The following IQCK variants were observed in gnomAD, a reference collection of about 807,000 sequenced individuals.
The protein encoded by IQCK is IQ motif containing K.
Under a neutral mutation model 28.1 loss-of-function variants are expected in IQCK, and 29 were observed. The ratio of observed to expected loss-of-function variants is 1.03; its 90% confidence interval spans 0.77 to 1.41. The LOEUF is 1.41. Among genes scored for constraint, IQCK ranks in the 40% most tolerant of loss-of-function variants. The pLI, the probability that IQCK is intolerant of heterozygous loss-of-function variation, is 0.00. For synonymous variants in IQCK, 113 were observed against 115.1 expected, an observed-to-expected ratio of 0.98 and a Z score of 0.12; for missense variants, 359 against 314.7, an observed-to-expected ratio of 1.14 and a Z score of -1.07.
chr16:19,822,172 G>T (rs766286332), intron 7 of IQCK, among the ~76,000 whole-genome samples: 1 of 150,940 alleles, frequency 6.6e-6, no homozygotes, highest in Admixed American at 6.6e-5. Context: ...CAGATCACAC[G>T]GTCAGGGGTT....
chr16:19,730,331 C>G, intron 1 of IQCK, 99 bp from the exon 2 acceptor site: 1 of 898,830 alleles, frequency 1.1e-6, no homozygotes, highest in Non-Finnish European at 1.7e-6. Flanking sequence ...CACCACCAGC[C>G]AAAATAAAAT....
intron 7 of IQCK, among the ~76,000 whole-genome samples, chr16:19,822,296 G>A (rs1379402143): frequency 1.4e-5 from 2 of 144,978 alleles, no homozygotes; most frequent in African/African-American, 2.6e-5. Context: ...TGAGGCAGGA[G>A]AATTGCTTGA....
intron 2 of IQCK, among the ~76,000 whole-genome samples, chr16:19,733,409 G>T (rs1333972065): frequency 2.0e-5 from 3 of 152,120 alleles, no homozygotes; most frequent in African/African-American, 7.2e-5. Context: ...GAAGTGCTGG[G>T]ATTACAGGCG....
chr16:19,812,936 C>G (rs56275711), intron 7 of IQCK, among the ~76,000 whole-genome samples: 3,198 of 152,360 alleles, frequency 0.021, 47 homozygotes, highest in Non-Finnish European at 0.032. Context: ...TCTCAAACTT[C>G]AGTGAGCATC....
rs572010917 is a variant in IQCK, at chr16:19,775,652, G to T, written c.605+11540G>T. Among the ~76,000 whole-genome samples the T allele has an allele frequency of 5.9e-5, 9 of 152,274 alleles. 1 individual carries two copies. In the South Asian group the frequency reaches 1.9e-3, roughly 32 times the overall value. On this transcript the variant is annotated intron_variant, in intron 6 of 7. Transcript: ENST00000564186. ...CTTGCTCACAAAAAGACTGTTGTAG[G>T]TTGGACAGCCCTCTTACCTCTGAGG...
At chr16:19,730,876 G>C (rs1467335467) in intron 2 of IQCK, among the ~76,000 whole-genome samples, 30 of 152,106 alleles carry the variant, frequency 2.0e-4, no homozygotes, top group Admixed American at 1.9e-3. Context: ...TGGGACTACA[G>C]GCACCCGCCA....
chr16:19,751,446 C>G (rs998237785), intron 4 of IQCK, among the ~76,000 whole-genome samples: 1 of 151,898 alleles, frequency 6.6e-6, no homozygotes, highest in Non-Finnish European at 1.5e-5. Context: ...CCACTGCACT[C>G]CAGCTTGGGT....
At chr16:19,731,209 C>T (rs1310529159) in intron 2 of IQCK, among the ~76,000 whole-genome samples, 1 of 152,146 alleles carries the variant, frequency 6.6e-6, no homozygotes, top group Non-Finnish European at 1.5e-5. Flanking sequence ...GAAGACTGTG[C>T]TAAGGAGAGA....
Position 19,841,331 on chromosome 16 carries a change from C to A in IQCK, c.802+14194C>A, listed in dbSNP as rs79489785. 3.9e-5 allele frequency among the ~76,000 whole-genome samples: 6 copies of A among 152,240 alleles called. No homozygotes were observed. The East Asian group carries it at 7.7e-4, about 20-fold the overall frequency. On this transcript the variant is annotated intron_variant, in intron 9 of 9. Transcript: ENST00000320394. ...TTTTGCATGAGCCCTACTGTTGCCA[C>A]GTGCATTGGAATTGCCCTCATTTTC...
chr16:19,841,534 C>A (rs571636444), intron 9 of IQCK, among the ~76,000 whole-genome samples: 1 of 152,150 alleles, frequency 6.6e-6, no homozygotes, highest in Non-Finnish European at 1.5e-5. Flanking sequence ...ACTTAACCTT[C>A]CTGATCACTC....
Position 19,856,488 on chromosome 16 carries a change from GA to G in IQCK, c.807del (p.Lys269AsnfsTer14), listed in dbSNP as rs757246939. On this transcript the variant is annotated frameshift_variant and splice_region_variant, in exon 10 of 10. Coordinates refer to the IQCK transcript ENST00000320394. LOFTEE classifies it low-confidence loss of function (END_TRUNC). ...ACTTTCCCTTTCTTTTCTTTGCAGT[GA>G]AATGCAAAATGGAGGACGATGCAGT... 2 of 1,612,868 alleles carry G rather than the reference GA, an allele frequency of 1.2e-6. No homozygotes were observed. The highest frequency in any genetic ancestry group is 2.7e-5 in the African/African-American group (2 of 74,906).
chr16:19,828,501 G>A (rs1404013980), downstream of IQCK, among the ~76,000 whole-genome samples: 1 of 151,732 alleles, frequency 6.6e-6, no homozygotes, highest in Non-Finnish European at 1.5e-5. Context: ...GCCTCCCAAA[G>A]TGCTGGGATT....
At chr16:19,804,688 CAA>C (rs1352111002) in intron 7 of IQCK, among the ~76,000 whole-genome samples, 1 of 152,076 alleles carries the variant, frequency 6.6e-6, no homozygotes, top group East Asian at 1.9e-4. Context: ...CTCCGCCTCC[CAA>C]AGTGTTGGGA....
At chr16:19,743,079 G>T (rs773250839) in intron 4 of IQCK, among the ~76,000 whole-genome samples, 35 of 152,218 alleles carry the variant, frequency 2.3e-4, no homozygotes, top group Non-Finnish European at 4.4e-4. Context: ...GCTGAGGCAG[G>T]AGAATCGCTT....
intron 4 of IQCK, among the ~76,000 whole-genome samples, chr16:19,758,556 C>G (rs1389521405): frequency 6.6e-6 from 1 of 152,216 alleles, no homozygotes; most frequent in South Asian, 2.1e-4. Flanking sequence ...GAGAGAGACA[C>G]TGCCATCCTA....
At chr16:19,845,427 G>T (rs2056406196) in intron 9 of IQCK, among the ~76,000 whole-genome samples, 1 of 152,228 alleles carries the variant, frequency 6.6e-6, no homozygotes, top group Non-Finnish European at 1.5e-5. Context: ...AGCTGAGAAT[G>T]CAGTGATAAA....
intron 4 of IQCK, among the ~76,000 whole-genome samples, chr16:19,758,408 G>A (rs943207971): frequency 6.6e-6 from 1 of 152,188 alleles, no homozygotes; most frequent in Non-Finnish European, 1.5e-5. Context: ...CTGTGTGCAT[G>A]ACCGTCATAC....
intron 7 of IQCK, among the ~76,000 whole-genome samples, chr16:19,810,452 G>A (rs1408716444): frequency 6.6e-6 from 1 of 150,764 alleles, no homozygotes. Context: ...AGCCGAGATC[G>A]TGCCACTGCA....
chr16:19,734,201 A>T lies in IQCK; in HGVS notation c.376+374A>T, dbSNP rs547750423. Among the ~76,000 whole-genome samples, 291 of 150,660 alleles carry T rather than the reference A, an allele frequency of 1.9e-3. 1 individual carries two copies. Among genetic ancestry groups the T allele is most frequent in the South Asian group, 9.0e-3 (43 of 4,774 alleles). On this transcript the variant is annotated intron_variant, in intron 3 of 7. Coordinates refer to ENST00000564186, the Ensembl canonical transcript of IQCK. ...ATCTCTACATCTCTACAAAAAATTT[A>T]AAAAAAAAATTATCACTGGATGCAG...
Sources: allele counts gnomAD v4.1 joint callset (sites outside exome capture counted in the v4.1 genomes callset), GRCh38; gene constraint gnomAD v4.1.1; transcripts MANE v1.5; gene names NCBI Gene and HGNC (gene_info 2026-07-23, HGNC 2026-07-21).